TMTC4: variants seen among roughly 807,000 people sequenced by gnomAD.
TMTC4 encodes the protein transmembrane O-mannosyltransferase targeting cadherins 4, also known as protein O-mannosyl-transferase TMTC4.
Under a neutral mutation model 86.0 loss-of-function variants are expected in TMTC4, and 65 were observed. That is an observed-to-expected ratio of 0.76 (90% CI 0.62 to 0.93). The LOEUF is 0.93. Ranked by LOEUF, TMTC4 falls within the 40% of genes least tolerant of loss-of-function variation. TMTC4 has a pLI of 0.00. For synonymous variants in TMTC4, 379 were observed against 382.5 expected, an observed-to-expected ratio of 0.99 and a Z score of 0.11; for missense variants, 866 against 948.1, an observed-to-expected ratio of 0.91 and a Z score of 1.14.
Position 100,637,563 on chromosome 13 carries a change from G to A in TMTC4, c.974C>T (p.Ser325Phe), listed in dbSNP as rs772294693. The A allele has an allele frequency of 5.6e-6, 9 of 1,613,902 alleles. No homozygotes were observed. The Admixed American group carries it at 6.7e-5, about 12-fold the overall frequency. The stretch of plus-strand genomic sequence containing the variant: ...CCTCACCAGCATGCTGTCAGCAAAG[G>A]AGGCCGGGTTGTCCACCTCGGTGAA... ...PAFTEVDNPA[S>F]FADSMLVRAV... Residue 325 changes from serine to phenylalanine, a missense_variant, in exon 9 of 19, where the codon TCC becomes TTC. Transcript: ENST00000342624.
At chr13:100,635,319 T>C (rs1218107021) in intron 10 of TMTC4, 124 bp from the exon 11 acceptor site, 13 of 1,103,196 alleles carry the variant, frequency 1.2e-5, no homozygotes, top group African/African-American at 1.6e-5. Context: ...AGAAAAGATA[T>C]TGTTGTCAGC....
intron 17 of TMTC4, among the ~76,000 whole-genome samples, chr13:100,609,700 CA>C (rs1877258913): frequency 6.6e-6 from 1 of 151,874 alleles, no homozygotes; most frequent in African/African-American, 2.4e-5. Context: ...CACACACACA[CA>C]CCCATACATA....
intron 1 of TMTC4, among the ~76,000 whole-genome samples, chr13:100,671,899 C>T (rs1887153383): frequency 7.0e-6 from 1 of 143,566 alleles, no homozygotes; most frequent in Admixed American, 6.9e-5. Flanking sequence ...AAAAAAGCTA[C>T]AATTTGTTAG....
chr13:100,612,587 G>T, intron 16 of TMTC4, 77 bp from the exon 17 acceptor site: 1 of 1,012,162 alleles, frequency 9.9e-7, no homozygotes, highest in Non-Finnish European at 1.5e-6. Flanking sequence ...TAACTAACAG[G>T]GTTTATGTGC....
At chr13:100,663,306 T>G in intron 4 of TMTC4, 126 bp from the exon 5 acceptor site, 2 of 811,718 alleles carry the variant, frequency 2.5e-6, no homozygotes, top group South Asian at 3.1e-5. Flanking sequence ...TGTGCCAGCT[T>G]GATAAAAACA....
At chr13:100,645,916 C>T (rs1365581759) in intron 6 of TMTC4, among the ~76,000 whole-genome samples, 1 of 152,036 alleles carries the variant, frequency 6.6e-6, no homozygotes, top group African/African-American at 2.4e-5. Flanking sequence ...TAGCACCACC[C>T]CCTACCGCTC....
chr13:100,622,105 C>T (rs1156599927), intron 15 of TMTC4, among the ~76,000 whole-genome samples: 1 of 152,132 alleles, frequency 6.6e-6, no homozygotes, highest in Non-Finnish European at 1.5e-5. Context: ...GGTCATAAAG[C>T]ACAGAATTTT....
chr13:100,614,202 A>T (rs938809884), intron 16 of TMTC4, 114 bp downstream of exon 16: 22 of 772,746 alleles, frequency 2.8e-5, no homozygotes, highest in African/African-American at 8.9e-5. Flanking sequence ...CTTCACATTA[A>T]TTTTTTTTTA....
At chr13:100,632,047 A>ACTCTCT (rs1471336365) in intron 12 of TMTC4, among the ~76,000 whole-genome samples, 1 of 63,358 alleles carries the variant, frequency 1.6e-5, no homozygotes, top group Non-Finnish European at 3.9e-5. Context: ...ACACACACAC[A>ACTCTCT]CACACACTCT....
intron 17 of TMTC4, among the ~76,000 whole-genome samples, chr13:100,608,973 G>A (rs998437341): frequency 6.6e-6 from 1 of 152,204 alleles, no homozygotes; most frequent in Non-Finnish European, 1.5e-5. Flanking sequence ...GTGGGCGGAG[G>A]TCATTTCAGC....
intron 15 of TMTC4, among the ~76,000 whole-genome samples, chr13:100,622,598 C>T (rs906994270): frequency 4.6e-5 from 7 of 152,160 alleles, no homozygotes; most frequent in Admixed American, 4.6e-4. Context: ...TGTCTGCTGC[C>T]ATGTAAGATG....
intron 6 of TMTC4, among the ~76,000 whole-genome samples, chr13:100,646,992 G>A (rs1435759813): frequency 6.6e-6 from 1 of 152,186 alleles, no homozygotes; most frequent in Non-Finnish European, 1.5e-5. Flanking sequence ...TTTAGGCTAT[G>A]GTTTGGGGAA....
chr13:100,607,615 A>G (rs1012577926), intron 17 of TMTC4, among the ~76,000 whole-genome samples: 5 of 149,716 alleles, frequency 3.3e-5, no homozygotes, highest in Admixed American at 3.3e-4. Context: ...TCATACATGA[A>G]TTTTTTCCAG....
chr13:100,607,436 C>T (rs1876816793), intron 17 of TMTC4, among the ~76,000 whole-genome samples: 1 of 151,328 alleles, frequency 6.6e-6, no homozygotes, highest in South Asian at 2.1e-4. Flanking sequence ...AGAATTGCTC[C>T]AATCCAAGAG....
intron 7 of TMTC4, chr13:100,638,869 T>A (rs1418237319): frequency 6.6e-6 from 1 of 152,262 alleles, no homozygotes; most frequent in Non-Finnish European, 1.5e-5. Flanking sequence ...CCATGACCCA[T>A]GAGGGGAACA....
In TMTC4 at chr13:100,653,946, A is replaced by C. The variant is rs2786954; in HGVS notation, c.640+2435T>G. 3.0e-3 allele frequency among the ~76,000 whole-genome samples: 457 copies of C among 151,606 alleles called. 4 individuals carry two copies. The highest frequency in any genetic ancestry group is 0.011 in the African/African-American group (435 of 41,346). On this transcript the variant is annotated intron_variant, in intron 6 of 18. Transcript: ENST00000342624. ...GTAGTTTTGTATTTTCCAAAGACCAAAGAGGCTGTTGGTGCCTGCAAAGGC... is the reference window on the plus strand; with the variant it reads ...GTAGTTTTGTATTTTCCAAAGACCACAGAGGCTGTTGGTGCCTGCAAAGGC...
At chr13:100,629,793 A>T (rs1314124892) in intron 12 of TMTC4, among the ~76,000 whole-genome samples, 1 of 151,524 alleles carries the variant, frequency 6.6e-6, no homozygotes, top group Non-Finnish European at 1.5e-5. Flanking sequence ...CATCCATATG[A>T]CCCCAGTCCA....
At position 100,636,520 on chromosome 13, in the gene TMTC4, G is replaced by A; in HGVS notation, c.1202+12C>T. The A allele has an allele frequency of 6.2e-7, 1 of 1,613,836 alleles. No individual in the cohort carries two copies. Among genetic ancestry groups the A allele is most frequent in the Non-Finnish European group, 8.5e-7 (1 of 1,179,776 alleles). On this transcript the variant is annotated intron_variant, in intron 10 of 18. Coordinates refer to ENST00000342624, the MANE Select transcript of TMTC4 (RefSeq NM_032813.5). Reference sequence around the variant, plus strand: ...ACCAGCGTGGAACTTAAGATTCAGTGCTGCCTCTTACCTTCTCTTGTGGCC... The same window carrying A: ...ACCAGCGTGGAACTTAAGATTCAGTACTGCCTCTTACCTTCTCTTGTGGCC...
At chr13:100,671,746 T>C (rs1420002311) in intron 1 of TMTC4, among the ~76,000 whole-genome samples, 1 of 152,096 alleles carries the variant, frequency 6.6e-6, no homozygotes, top group Non-Finnish European at 1.5e-5. Context: ...GGGGGCTCCT[T>C]CTCCTTTCTC....
Sources: allele counts gnomAD v4.1 joint callset (sites outside exome capture counted in the v4.1 genomes callset), GRCh38; gene constraint gnomAD v4.1.1; transcripts MANE v1.5; gene names NCBI Gene and HGNC (gene_info 2026-07-23, HGNC 2026-07-21).